RELL1: variants seen among roughly 807,000 people sequenced by gnomAD.
RELL1 encodes RELT-like protein 1.
RELL1 carries 10 observed loss-of-function variants against 23.0 expected under a neutral mutation model. The observed-to-expected ratio is 0.43, with a 90% CI of 0.27 to 0.74. The LOEUF (loss-of-function observed/expected upper bound fraction) is 0.74, where lower values mean the gene tolerates loss of function less well. RELL1 is among the 30% of genes least tolerant of loss of function. The pLI, the probability that RELL1 is intolerant of heterozygous loss-of-function variation, is 0.19. For missense variants in RELL1, 315 were observed against 364.4 expected, an observed-to-expected ratio of 0.86 and a Z score of 1.10; for synonymous variants, 146 against 146.8, an observed-to-expected ratio of 0.99 and a Z score of 0.04.
At chr4:37,667,002 G>A (rs1326035599) in intron 1 of RELL1, among the ~76,000 whole-genome samples, 2 of 152,112 alleles carry the variant, frequency 1.3e-5, no homozygotes, top group Non-Finnish European at 2.9e-5. Flanking sequence ...CTGGTGTGAA[G>A]TCCCCGCTAC....
intron 5 of RELL1, among the ~76,000 whole-genome samples, chr4:37,633,493 G>T (rs558398775): frequency 7.0e-6 from 1 of 143,758 alleles, no homozygotes; most frequent in African/African-American, 2.6e-5. Context: ...TTTTTTTAAG[G>T]CCAACAAAAC....
chr4:37,668,764 A>G (rs1721640551), intron 1 of RELL1, among the ~76,000 whole-genome samples: 1 of 126,946 alleles, frequency 7.9e-6, no homozygotes, highest in Non-Finnish European at 1.5e-5. Flanking sequence ...CCCATCTAGG[A>G]AGTGAGGAGC....
intron 4 of RELL1, among the ~76,000 whole-genome samples, chr4:37,636,731 G>C (rs1298325165): frequency 6.6e-6 from 1 of 152,174 alleles, no homozygotes; most frequent in Non-Finnish European, 1.5e-5. Flanking sequence ...TCAGCCCTCT[G>C]GTGCAGGTGG....
downstream of RELL1, among the ~76,000 whole-genome samples, chr4:37,606,081 AG>A (rs2109221692): frequency 6.7e-6 from 1 of 149,508 alleles, no homozygotes; most frequent in African/African-American, 2.5e-5. The surrounding 1 kb of genome is among the most constrained non-coding windows in gnomAD (Gnocchi z 4.1). Context: ...GATGCAAGAA[AG>A]GGGAAGGATG....
At chr4:37,666,783 G>C (rs1721546904) in intron 1 of RELL1, among the ~76,000 whole-genome samples, 1 of 152,178 alleles carries the variant, frequency 6.6e-6, no homozygotes, top group African/African-American at 2.4e-5. Flanking sequence ...GCAAGCCAGT[G>C]TTTCTCTTCC....
intron 1 of RELL1, among the ~76,000 whole-genome samples, chr4:37,681,230 T>A (rs565026105): frequency 3.3e-5 from 5 of 152,334 alleles, no homozygotes; most frequent in African/African-American, 1.2e-4. Context: ...ACCTCCAGAA[T>A]AAAAACTGTT....
chr4:37,618,235 G>C (rs1719639970), intron 6 of RELL1, among the ~76,000 whole-genome samples: 1 of 151,678 alleles, frequency 6.6e-6, no homozygotes, highest in African/African-American at 2.4e-5. Flanking sequence ...TTAAGAGACA[G>C]GGTCTCACTC....
At chr4:37,615,314 T>C (rs1244156046) in intron 6 of RELL1, among the ~76,000 whole-genome samples, 1 of 152,218 alleles carries the variant, frequency 6.6e-6, no homozygotes, top group Non-Finnish European at 1.5e-5. Context: ...TACCAGAAAC[T>C]AAGCAGAAAA....
chr4:37,669,006 G>GA (rs1202410119), intron 1 of RELL1, among the ~76,000 whole-genome samples: 1 of 122,138 alleles, frequency 8.2e-6, no homozygotes, highest in African/African-American at 4.1e-5. Flanking sequence ...GGAGAGAGGT[G>GA]GGGGGGTCAG....
At chr4:37,674,074 C>T (rs931235754) in intron 1 of RELL1, among the ~76,000 whole-genome samples, 7 of 152,306 alleles carry the variant, frequency 4.6e-5, no homozygotes, top group South Asian at 2.1e-4. Flanking sequence ...TTCCATCGCC[C>T]TTATCAGAAG....
chr4:37,680,500 G>C (rs563878171), intron 1 of RELL1, among the ~76,000 whole-genome samples: 2 of 152,264 alleles, frequency 1.3e-5, no homozygotes, highest in South Asian at 4.1e-4. Context: ...CCATATAGTG[G>C]AACAGTAGGC....
At chr4:37,605,765 AAGAG>A (rs1553871628), downstream of RELL1, among the ~76,000 whole-genome samples, 32 of 92,178 alleles carry the variant, frequency 3.5e-4, no homozygotes, top group African/African-American at 1.1e-3. Flanking sequence ...AGAATAAAGA[AAGAG>A]AGAGAGAGAG....
intron 6 of RELL1, among the ~76,000 whole-genome samples, chr4:37,596,709 C>CATATATATATATATATATATATATATAT (rs1215240304): frequency 6.0e-5 from 1 of 16,718 alleles, no homozygotes. Context: ...CAAAACTGGG[C>CATATATATATATATATATATATATATAT]ATATATATAT....
chr4:37,619,794 C>T (rs1271041922), intron 6 of RELL1, among the ~76,000 whole-genome samples: 1 of 152,130 alleles, frequency 6.6e-6, no homozygotes, highest in Non-Finnish European at 1.5e-5. Context: ...TGGTCTCAAA[C>T]TCCTGGCCTC....
intron 3 of RELL1, among the ~76,000 whole-genome samples, chr4:37,647,042 C>T (rs1720731794): frequency 6.6e-6 from 1 of 152,158 alleles, no homozygotes. Flanking sequence ...ATATTATTAT[C>T]CTCATTTTAC....
chr4:37,672,434 A>G (rs746195113), intron 1 of RELL1, among the ~76,000 whole-genome samples: 1 of 152,218 alleles, frequency 6.6e-6, no homozygotes, highest in South Asian at 2.1e-4. Flanking sequence ...TATCATTTGT[A>G]TTACACCACA....
intron 6 of RELL1, among the ~76,000 whole-genome samples, chr4:37,602,462 C>T (rs962973649): frequency 6.6e-6 from 1 of 151,576 alleles, no homozygotes; most frequent in African/African-American, 2.4e-5. Flanking sequence ...ATGGGCTTCC[C>T]CATGAGGCTA....
chr4:37,598,833 C>CA (rs551764543), intron 6 of RELL1, among the ~76,000 whole-genome samples: 257 of 152,164 alleles, frequency 1.7e-3, no homozygotes, highest in South Asian at 4.2e-3. Context: ...TACAAGCGTG[C>CA]ACCACCATGC....
At chr4:37,658,142 CAG>C (rs1721193207) in intron 1 of RELL1, among the ~76,000 whole-genome samples, 2 of 152,132 alleles carry the variant, frequency 1.3e-5, no homozygotes, top group South Asian at 4.1e-4. Context: ...GGAGGCTTAG[CAG>C]AGAGACTGAA....
Sources: gnomAD v4.1 joint callset for allele counts (sites outside exome capture counted in the v4.1 genomes callset) on GRCh38, gnomAD v4.1.1 for gene constraint, Gnocchi (gnomAD v3.1) non-coding constraint, MANE v1.5 for transcripts, NCBI Gene and HGNC (gene_info 2026-07-23, HGNC 2026-07-21) for gene names.